The following VGLL2 variants were observed in gnomAD, a reference collection of about 807,000 sequenced individuals.
The protein encoded by VGLL2 is vestigial like family member 2.
Under a neutral mutation model 27.0 loss-of-function variants are expected in VGLL2, and 18 were observed. The observed-to-expected ratio is 0.67, with a 90% CI of 0.46 to 0.99. The LOEUF is 0.99. Ranked by LOEUF, VGLL2 falls within the 50% of genes least tolerant of loss-of-function variation. VGLL2 has a pLI of 0.00. For synonymous variants in VGLL2, 220 were observed against 201.1 expected, an observed-to-expected ratio of 1.09 and a Z score of -0.80; for missense variants, 491 against 452.3, an observed-to-expected ratio of 1.09 and a Z score of -0.78.
In VGLL2 at chr6:117,270,687, C is replaced by G. The variant is rs1371479742; in HGVS notation, c.536C>G (p.Pro179Arg). 3 of 1,542,694 alleles carry G rather than the reference C, an allele frequency of 1.9e-6. No individual in the cohort carries two copies. Among genetic ancestry groups the G allele is most frequent in the African/African-American group, 2.8e-5 (2 of 70,948 alleles). The change falls in exon 3 of 4, where the codon CCC becomes CGC. Residue 179 changes from proline (P) to arginine (R), a missense_variant. Transcript: ENST00000326274. ...TTCGCCGCCGCCGACCCCTACTCGC[C>G]CGCCGCGCTGCATGGCCACCTGCAC... The part of the protein sequence containing the change: ...LPFAAADPYS[P>R]AALHGHLHQG...
chr6:117,268,533 T>G, intron 2 of VGLL2, 42 bp downstream of exon 2: 1 of 1,513,728 alleles, frequency 6.6e-7, no homozygotes, highest in East Asian at 2.4e-5. Flanking sequence ...TAGGGGGTCC[T>G]CTCAGCCTGG....
In VGLL2 at chr6:117,270,790, C is replaced by A; in HGVS notation, c.639C>A (p.Ala213=). ...HPHHPYALGG[A]LGAQAAPYPR... is the part of the protein sequence containing the mutation. ...ATCACCCCTACGCCCTGGGCGGCGC[C>A]CTCGGCGCCCAGGCCGCCCCCTACC... is the stretch of plus-strand genomic sequence containing the variant. The change falls in exon 3 of 4, where the codon GCC becomes GCA. Residue 213 remains alanine, a synonymous_variant. Transcript: ENST00000326274. 1 of 1,445,474 alleles carries A rather than the reference C, an allele frequency of 6.9e-7. No homozygotes were observed. The highest frequency in any genetic ancestry group is 9.1e-7 in the Non-Finnish European group (1 of 1,104,588). The allele number at this position is 1,445,474 out of a possible 1,614,324, so 89.5% of individuals were successfully genotyped here.
In VGLL2 at chr6:117,272,463, A is replaced by G; in HGVS notation, c.923A>G (p.Tyr308Cys). 6.2e-7 allele frequency: 1 copy of G among 1,614,152 alleles called. No homozygotes were observed. Among genetic ancestry groups the G allele is most frequent in the African/African-American group, 1.3e-5 (1 of 75,030 alleles). The stretch of plus-strand genomic sequence containing the variant: ...TGATCTTGGTTTGCAGCTCGTCGTT[A>G]TTCCCTCTGTGGTGCATCCCTCCTG... ...LGLSVDSARR[Y>C]SLCGASLLS Residue 308 changes from tyrosine to cysteine, a missense_variant, in exon 4 of 4, where the codon TAT (tyrosine) becomes TGT (cysteine). By Grantham distance (194) the Tyr-to-Cys change is radical (BLOSUM62 -2). Coordinates refer to ENST00000326274, the MANE Select transcript of VGLL2 (RefSeq NM_182645.3).
intron 3 of VGLL2, among the ~76,000 whole-genome samples, chr6:117,271,502 G>C (rs1175462760): frequency 1.3e-5 from 2 of 151,962 alleles, no homozygotes; most frequent in Non-Finnish European, 2.9e-5. Flanking sequence ...TGCAGAAAAA[G>C]AATGTAAAAT....
chr6:117,270,675 A>AC lies in VGLL2; in HGVS notation c.528dup (p.Tyr177LeufsTer145). On this transcript the variant is annotated frameshift_variant, in exon 3 of 4. Transcript: ENST00000326274. Reference sequence around the variant, plus strand: ...TCGGAGCTGCCCTTCGCCGCCGCCGACCCCTACTCGCCCGCCGCGCTGCAT... The same window carrying AC: ...TCGGAGCTGCCCTTCGCCGCCGCCGACCCCCTACTCGCCCGCCGCGCTGCAT... The AC allele has an allele frequency of 6.5e-7, 1 of 1,549,810 alleles. No individual in the cohort carries two copies. Among genetic ancestry groups the AC allele is most frequent in the Non-Finnish European group, 8.7e-7 (1 of 1,155,900 alleles).
chr6:117,266,261 A>G (rs1773066131), intron 1 of VGLL2, among the ~76,000 whole-genome samples: 1 of 152,240 alleles, frequency 6.6e-6, no homozygotes, highest in South Asian at 2.1e-4. Flanking sequence ...AGCGAAGGCC[A>G]GCCAGCCTCT....
At position 117,273,376 on chromosome 6, in the gene VGLL2, G is replaced by A. The variant is rs1773243618; in HGVS notation, c.*882G>A. 6.6e-6 allele frequency: 1 copy of A among 152,132 alleles called. No individual in the cohort carries two copies. Among genetic ancestry groups the A allele is most frequent in the African/African-American group, 2.4e-5 (1 of 41,428 alleles). The allele number at this position is 152,132 out of a possible 1,614,324, so 9.4% of individuals were successfully genotyped here. On this transcript the variant is annotated 3_prime_UTR_variant, in exon 4 of 4. Coordinates refer to ENST00000326274, the MANE Select transcript of VGLL2 (RefSeq NM_182645.3). ...GAGAGACCCCAACTGTCTCCATGGA[G>A]AAGAACTAGGAATCACCACAAGGGG... is the stretch of plus-strand genomic sequence containing the variant.
At chr6:117,266,228 G>C (rs1399918297) in intron 1 of VGLL2, among the ~76,000 whole-genome samples, 1 of 152,176 alleles carries the variant, frequency 6.6e-6, no homozygotes, top group Admixed American at 6.5e-5. Flanking sequence ...GGTCCCAATG[G>C]TGAGAGTAAC....
chr6:117,271,748 A>G (rs780858207), intron 3 of VGLL2, among the ~76,000 whole-genome samples: 18 of 152,134 alleles, frequency 1.2e-4, no homozygotes, highest in Non-Finnish European at 2.5e-4. Flanking sequence ...TCACCTAGTG[A>G]TAGTTGTAAG....
chr6:117,270,798 C>T lies in VGLL2; in HGVS notation c.647C>T (p.Ala216Val), dbSNP rs1255414165. ...TACGCCCTGGGCGGCGCCCTCGGCG[C>T]CCAGGCCGCCCCCTACCCGCGCCCC... The part of the protein sequence containing the change: ...HPYALGGALG[A>V]QAAPYPRPAA... The change falls in exon 3 of 4, where the codon GCC becomes GTC. Residue 216 changes from alanine to valine, a missense_variant. Transcript: ENST00000326274. 2.1e-6 allele frequency: 3 copies of T among 1,438,712 alleles called. No homozygotes were observed. In the African/African-American group the frequency reaches 4.5e-5, roughly 21 times the overall value. The allele number at this position is 1,438,712 out of a possible 1,614,324, so 89.1% of individuals were successfully genotyped here.
At chr6:117,268,742 A>G (rs1427841714) in intron 2 of VGLL2, among the ~76,000 whole-genome samples, 2 of 152,198 alleles carry the variant, frequency 1.3e-5, no homozygotes, top group Admixed American at 6.5e-5. Context: ...ACTTCCTAGC[A>G]ATATAACCTT....
intron 2 of VGLL2, among the ~76,000 whole-genome samples, chr6:117,268,845 A>G (rs1241610939): frequency 6.6e-6 from 1 of 152,086 alleles, no homozygotes; most frequent in Admixed American, 6.5e-5. Context: ...AGGCTGTAAG[A>G]CTCCAACAAG....
At position 117,265,804 on chromosome 6, in the gene VGLL2, C is replaced by T; in HGVS notation, c.41C>T (p.Pro14Leu). ...LDVMYQVYGPPQPYFAAAYTP... is the reference protein window; with the variant it reads ...LDVMYQVYGPLQPYFAAAYTP... ...GTTATGTACCAAGTCTATGGTCCTC[C>T]GCAGCCCTACTTCGCAGCCGCCTAC... The change falls in exon 1 of 4, where the codon CCG becomes CTG. Residue 14 changes from proline (P) to leucine (L), a missense_variant. By Grantham distance (98) the Pro-to-Leu change is moderately conservative. Transcript: ENST00000326274. The T allele has an allele frequency of 6.2e-7, 1 of 1,614,198 alleles. No individual in the cohort carries two copies. The highest frequency in any genetic ancestry group is 8.5e-7 in the Non-Finnish European group (1 of 1,180,018).
At chr6:117,271,296 A>AAAT (rs200440828) in intron 3 of VGLL2, among the ~76,000 whole-genome samples, 3,941 of 144,346 alleles carry the variant, frequency 0.027, 72 homozygotes, top group Middle Eastern at 0.051. Context: ...AGGACTTTTA[A>AAAT]AATAATAATA....
intron 2 of VGLL2, among the ~76,000 whole-genome samples, chr6:117,270,329 TC>T (rs1467859538): frequency 1.3e-5 from 2 of 151,888 alleles, no homozygotes; most frequent in Non-Finnish European, 2.9e-5. Context: ...ATTTTGCAGT[TC>T]CCCCACCTCG....
rs28441357 is a variant in VGLL2 at position 117,268,529 on chromosome 6, G to T, written c.391+38G>T. On this transcript the variant is annotated intron_variant, in intron 2 of 3. Transcript: ENST00000326274. ...CCCTGCTGGGAAGGACCCATAGGGG[G>T]TCCTCTCAGCCTGGGGTTCACCTAC... 163 of 1,521,960 alleles carry T rather than the reference G, an allele frequency of 1.1e-4. 1 individual carries two copies. The African/African-American group carries it at 2.1e-3, about 20-fold the overall frequency. The allele number at this position is 1,521,960 out of a possible 1,614,324, so 94.3% of individuals were successfully genotyped here.
Position 117,270,878 on chromosome 6 carries a change from CTGA to C in VGLL2, c.730_732del (p.Met244del), listed in dbSNP as rs1773178278. 3.0e-6 allele frequency: 4 copies of C among 1,339,420 alleles called. No homozygotes were observed. The highest frequency in any genetic ancestry group is 3.8e-6 in the Non-Finnish European group (4 of 1,044,508). 83.0% of individuals were successfully genotyped at this position (1,339,420 alleles called of 1,614,324 possible). A position where few individuals can be genotyped will look rare whatever the true frequency, so the allele number is the denominator to read the frequency against. On this transcript the variant is annotated inframe_deletion, in exon 3 of 4. Transcript: ENST00000326274. ...CTTCGACCCGCGCTATGGGCCGCTG[CTGA>C]TGCCAGCCGCCTCGGGGCGCCCGGC... is the stretch of plus-strand genomic sequence containing the variant.
intron 1 of VGLL2, 89 bp downstream of exon 1, chr6:117,265,933 C>T: frequency 7.9e-7 from 1 of 1,265,868 alleles, no homozygotes; most frequent in Non-Finnish European, 1.1e-6. Flanking sequence ...GCTGTGCCTC[C>T]GCGCGTCTCG....
At position 117,271,058 on chromosome 6, in the gene VGLL2, G is replaced by C. The variant is rs1304524907; in HGVS notation, c.907G>C (p.Asp303His). Residue 303 changes from aspartate to histidine, a missense_variant, in exon 3 of 4, where the codon GAC (aspartate) becomes CAC (histidine). By Grantham distance (81) the Asp-to-His change is moderately conservative. Transcript: ENST00000326274. ...GGCCCAGGGTCTGGGCCTCAGCGTG[G>C]ACTCAGGTAAGCAGAGGAAGAAGTT... is the stretch of plus-strand genomic sequence containing the variant. ...DVAQGLGLSV[D>H]SARRYSLCGA... 9.8e-6 allele frequency: 12 copies of C among 1,226,384 alleles called. No individual in the cohort carries two copies. The highest frequency in any genetic ancestry group is 2.0e-6 in the Non-Finnish European group (2 of 985,454). 76.0% of individuals were successfully genotyped at this position (1,226,384 alleles called of 1,614,324 possible).
Sources: gnomAD v4.1 joint callset for allele counts (sites outside exome capture counted in the v4.1 genomes callset) on GRCh38, gnomAD v4.1.1 for gene constraint, MANE v1.5 for transcripts, NCBI Gene and HGNC (gene_info 2026-07-23, HGNC 2026-07-21) for gene names.